Variants in CNTN6 observed in about 807,000 individuals in gnomAD.
CNTN6 encodes contactin-6.
In CNTN6, 137 loss-of-function variants were observed where a neutral mutation model predicts 122.8. That is an observed-to-expected ratio of 1.12 (90% CI 0.97 to 1.29). CNTN6 has a LOEUF of 1.29. Ranked by LOEUF, CNTN6 falls within the 50% of genes most tolerant of loss-of-function variation. The pLI is 0.00. For missense variants in CNTN6, 1,634 were observed against 1,223.4 expected (o/e 1.34, Z -5.01); for synonymous variants, 570 against 426.0 (o/e 1.34, Z -4.16).
intron 2 of CNTN6, among the ~76,000 whole-genome samples, chr3:1,220,230 G>A (rs1425404209): frequency 2.0e-5 from 3 of 151,998 alleles, no homozygotes; most frequent in African/African-American, 7.3e-5. Context: ...TAACTACTTG[G>A]GAGGCTGAGA....
chr3:1,153,823 C>T (rs2092902314), intron 2 of CNTN6, among the ~76,000 whole-genome samples: 1 of 152,174 alleles, frequency 6.6e-6, no homozygotes, highest in Non-Finnish European at 1.5e-5. Flanking sequence ...CACAGCAAAT[C>T]CATGAAAATT....
intron 5 of CNTN6, among the ~76,000 whole-genome samples, chr3:1,285,634 T>C (rs968568303): frequency 2.0e-5 from 3 of 152,134 alleles, no homozygotes; most frequent in African/African-American, 7.2e-5. Context: ...ACAAATTGAG[T>C]ATTGTGTTAA....
intron 16 of CNTN6, among the ~76,000 whole-genome samples, chr3:1,374,551 A>G (rs911901604): frequency 5.3e-5 from 8 of 152,086 alleles, no homozygotes; most frequent in Non-Finnish European, 8.8e-5. Context: ...TCCTAAGCTC[A>G]TTTAACAGGG....
chr3:1,305,988 C>G (rs1365944326), intron 7 of CNTN6, among the ~76,000 whole-genome samples: 1 of 152,086 alleles, frequency 6.6e-6, no homozygotes, highest in Non-Finnish European at 1.5e-5. Context: ...GATTATACTG[C>G]AGAAAGATTT....
chr3:1,381,569 C>G (rs975559958), intron 17 of CNTN6, among the ~76,000 whole-genome samples: 4 of 152,140 alleles, frequency 2.6e-5, no homozygotes, highest in Non-Finnish European at 5.9e-5. Flanking sequence ...GGCACAGGAG[C>G]TCTAGGCAAC....
At chr3:1,337,811 T>C (rs1257820048) in intron 11 of CNTN6, among the ~76,000 whole-genome samples, 2 of 152,134 alleles carry the variant, frequency 1.3e-5, no homozygotes, top group Non-Finnish European at 2.9e-5. Context: ...TCTGATAGTC[T>C]TGCCTGTTTC....
intron 4 of CNTN6, among the ~76,000 whole-genome samples, chr3:1,262,921 G>C (rs1182855586): frequency 6.6e-6 from 1 of 151,672 alleles, no homozygotes; most frequent in Non-Finnish European, 1.5e-5. Context: ...ATAATAAAAA[G>C]AAAAATAACT....
chr3:1,121,246 C>A (rs139386101), intron 1 of CNTN6, among the ~76,000 whole-genome samples: 2 of 136,578 alleles, frequency 1.5e-5, no homozygotes, highest in African/African-American at 5.2e-5. Context: ...CAGAGTTAAA[C>A]AAATTGACAG....
intron 1 of CNTN6, among the ~76,000 whole-genome samples, chr3:1,130,076 C>A (rs1436461736): frequency 6.6e-6 from 1 of 151,988 alleles, no homozygotes; most frequent in African/African-American, 2.4e-5. Flanking sequence ...ATTCTCTCTA[C>A]TTAATGAAAA....
At chr3:1,155,412 A>G (rs1259953244) in intron 2 of CNTN6, among the ~76,000 whole-genome samples, 1 of 152,176 alleles carries the variant, frequency 6.6e-6, no homozygotes, top group East Asian at 1.9e-4. Flanking sequence ...TAGCAATTGA[A>G]CTGGTTCTTG....
At chr3:1,271,454 A>G (rs1217378255) in intron 4 of CNTN6, among the ~76,000 whole-genome samples, 7 of 152,186 alleles carry the variant, frequency 4.6e-5, no homozygotes, top group Non-Finnish European at 2.9e-5. Flanking sequence ...CGAGCTGCAT[A>G]TGAATATATC....
At chr3:1,175,109 G>T (rs922794521) in intron 2 of CNTN6, among the ~76,000 whole-genome samples, 1 of 150,630 alleles carries the variant, frequency 6.6e-6, no homozygotes, top group East Asian at 2.0e-4. Context: ...TGGTGTGCCT[G>T]TAGTCACAGA....
chr3:1,144,529 C>T (rs533888502), intron 1 of CNTN6, among the ~76,000 whole-genome samples: 37 of 151,608 alleles, frequency 2.4e-4, no homozygotes, highest in Middle Eastern at 6.8e-3. Flanking sequence ...GAGCCAAGAT[C>T]GTGCCATTGT....
intron 2 of CNTN6, among the ~76,000 whole-genome samples, chr3:1,185,851 T>G (rs1325438599): frequency 6.6e-6 from 1 of 152,194 alleles, no homozygotes; most frequent in Non-Finnish European, 1.5e-5. Context: ...ACACAGTGCG[T>G]TGATCACATT....
chr3:1,325,645 T>C (rs1701427901), intron 8 of CNTN6, among the ~76,000 whole-genome samples, 170 bp from the exon 9 acceptor site: 1 of 151,826 alleles, frequency 6.6e-6, no homozygotes, highest in Admixed American at 6.6e-5. Context: ...ACAGGATTTC[T>C]GTCAACCCGC....
intron 2 of CNTN6, among the ~76,000 whole-genome samples, chr3:1,207,780 A>T (rs536739301): frequency 6.6e-6 from 1 of 152,082 alleles, no homozygotes; most frequent in Admixed American, 6.6e-5. Flanking sequence ...CAAATAAATG[A>T]TTGTTCAGTA....
chr3:1,139,338 T>C (rs1559382778), intron 1 of CNTN6, among the ~76,000 whole-genome samples: 1 of 152,126 alleles, frequency 6.6e-6, no homozygotes, highest in Admixed American at 6.6e-5. Context: ...TTCCTATCCC[T>C]GTACTAAACC....
intron 4 of CNTN6, among the ~76,000 whole-genome samples, chr3:1,248,572 C>T (rs962777426): frequency 6.6e-6 from 1 of 152,124 alleles, no homozygotes; most frequent in African/African-American, 2.4e-5. Context: ...GTAATCTCAG[C>T]ACTTTAGGAG....
At chr3:1,173,038 T>TG (rs1225241953) in intron 2 of CNTN6, among the ~76,000 whole-genome samples, 3 of 152,124 alleles carry the variant, frequency 2.0e-5, no homozygotes, top group African/African-American at 7.2e-5. Flanking sequence ...TCAGCACTAT[T>TG]TATATCACAC....
Sources: allele counts gnomAD v4.1 joint callset (sites outside exome capture counted in the v4.1 genomes callset), GRCh38; gene constraint gnomAD v4.1.1; transcripts MANE v1.5; gene names NCBI Gene and HGNC (gene_info 2026-07-23, HGNC 2026-07-21).